Variants in CDH13 observed in about 807,000 individuals in gnomAD.
CDH13 encodes cadherin-13.
CDH13 carries 24 observed loss-of-function variants against 63.8 expected under a neutral mutation model. That is an observed-to-expected ratio of 0.38 (90% CI 0.27 to 0.53). CDH13 has a LOEUF of 0.53. Among genes scored for constraint, CDH13 ranks in the 20% least tolerant of loss-of-function variants. The pLI, the probability that CDH13 is intolerant of heterozygous loss-of-function variation, is 0.85. For synonymous variants in CDH13, 503 were observed against 355.3 expected, an observed-to-expected ratio of 1.42 and a Z score of -4.67; for missense variants, 1,049 against 903.1, an observed-to-expected ratio of 1.16 and a Z score of -2.07.
At chr16:83,274,341 TTGGTACA>T (rs1455678457) in intron 5 of CDH13, among the ~76,000 whole-genome samples, 2 of 152,184 alleles carry the variant, frequency 1.3e-5, no homozygotes, top group Non-Finnish European at 2.9e-5. Flanking sequence ...GCTCAGGCCC[TTGGTACA>T]TGCTCTTCTC....
At chr16:83,318,490 T>G (rs116330277) in intron 5 of CDH13, among the ~76,000 whole-genome samples, 1 of 152,216 alleles carries the variant, frequency 6.6e-6, no homozygotes, top group Non-Finnish European at 1.5e-5. Flanking sequence ...AAGGTTTGAT[T>G]TGAATGAAAG....
chr16:83,077,933 T>A (rs919401531), intron 3 of CDH13, among the ~76,000 whole-genome samples: 26 of 152,208 alleles, frequency 1.7e-4, no homozygotes, highest in Non-Finnish European at 2.8e-4. Flanking sequence ...TGGATTTAAT[T>A]TGCGTTACCC....
chr16:83,091,933 A>G (rs1316981532), intron 3 of CDH13, among the ~76,000 whole-genome samples: 4 of 152,250 alleles, frequency 2.6e-5, no homozygotes, highest in African/African-American at 4.8e-5. Context: ...CTGTGTGCCT[A>G]TAAATATAAT....
chr16:83,186,290 C>T (rs937078609), intron 4 of CDH13, among the ~76,000 whole-genome samples: 1 of 151,974 alleles, frequency 6.6e-6, no homozygotes, highest in African/African-American at 2.4e-5. Flanking sequence ...GGGCACATAC[C>T]ACCATGCCAA....
chr16:83,775,781 G>A (rs1915069129), intron 11 of CDH13, among the ~76,000 whole-genome samples: 2 of 152,012 alleles, frequency 1.3e-5, no homozygotes, highest in South Asian at 4.2e-4. Flanking sequence ...CATAAAGGAG[G>A]GACCCCGTCT....
At chr16:83,624,856 C>T (rs1910140483) in intron 8 of CDH13, among the ~76,000 whole-genome samples, 1 of 152,184 alleles carries the variant, frequency 6.6e-6, no homozygotes, top group South Asian at 2.1e-4. Context: ...CCATCTACTC[C>T]AGATCCTATT....
At chr16:83,315,698 C>G (rs982124262) in intron 5 of CDH13, among the ~76,000 whole-genome samples, 3 of 150,588 alleles carry the variant, frequency 2.0e-5, no homozygotes, top group Admixed American at 2.0e-4. Context: ...TTCTCGCTAT[C>G]TTGGAGTTAT....
chr16:83,702,389 C>A (rs1002483978), intron 10 of CDH13, among the ~76,000 whole-genome samples: 1 of 152,168 alleles, frequency 6.6e-6, no homozygotes, highest in African/African-American at 2.4e-5. Context: ...TGCTCCATAA[C>A]GTTCAGAGAT....
intron 10 of CDH13, among the ~76,000 whole-genome samples, chr16:83,686,600 G>C (rs945904636): frequency 1.4e-4 from 22 of 152,190 alleles, no homozygotes; most frequent in Non-Finnish European, 3.1e-4. Context: ...TGCAAGAACG[G>C]TGGATAAATT....
intron 3 of CDH13, among the ~76,000 whole-genome samples, chr16:83,109,847 C>G (rs950517187): frequency 2.6e-5 from 4 of 152,180 alleles, no homozygotes; most frequent in African/African-American, 9.7e-5. Flanking sequence ...GAACGGGCTT[C>G]CGACTAAAGA....
chr16:83,415,885 T>C (rs546382176), intron 6 of CDH13, among the ~76,000 whole-genome samples: 122 of 152,242 alleles, frequency 8.0e-4, no homozygotes, highest in Admixed American at 1.8e-3. Flanking sequence ...TTCAACATAG[T>C]CCTGGAAGTC....
At chr16:82,661,349 G>C (rs1911922700) in intron 1 of CDH13, among the ~76,000 whole-genome samples, 1 of 152,254 alleles carries the variant, frequency 6.6e-6, no homozygotes, top group Non-Finnish European at 1.5e-5. Flanking sequence ...GGGTGGAACA[G>C]ATAGGAACGG....
chr16:83,447,096 C>CTTTTTT lies in CDH13; in HGVS notation c.782-39356_782-39351dup, dbSNP rs750432481. On this transcript the variant is annotated intron_variant, in intron 6 of 13. Transcript: ENST00000567109. The stretch of plus-strand genomic sequence containing the variant: ...AAAACAAAAAACACCTTATAGTAAC[C>CTTTTTT]TTTTTTTTTTTTTTTTTTTTTTTTT... 1.1e-3 allele frequency among the ~76,000 whole-genome samples: 44 copies of CTTTTTT among 41,502 alleles called. 4 individuals are homozygous for CTTTTTT. The highest frequency in any genetic ancestry group is 1.7e-3 in the Non-Finnish European group (35 of 21,106). The allele number at this position is 41,502 out of a possible 152,430, so 27.2% of individuals were successfully genotyped here.
chr16:83,268,606 C>G (rs910610250), intron 5 of CDH13, among the ~76,000 whole-genome samples: 3 of 152,110 alleles, frequency 2.0e-5, no homozygotes, highest in Non-Finnish European at 4.4e-5. Flanking sequence ...TTTTTGACAG[C>G]ACAAGTGACA....
At chr16:83,001,467 A>G (rs1283520939) in intron 2 of CDH13, among the ~76,000 whole-genome samples, 1 of 152,258 alleles carries the variant, frequency 6.6e-6, no homozygotes, top group Non-Finnish European at 1.5e-5. Flanking sequence ...GCCAGTATTC[A>G]AAATGCCATT....
intron 1 of CDH13, among the ~76,000 whole-genome samples, chr16:82,828,474 A>G (rs72807808): frequency 0.16 from 24,031 of 152,024 alleles, 2,596 homozygotes; most frequent in Non-Finnish European, 0.23. Flanking sequence ...AACCTCAGCT[A>G]GGAGTGTTGG....
At chr16:83,232,768 G>A (rs560696351) in intron 5 of CDH13, among the ~76,000 whole-genome samples, 2 of 134,392 alleles carry the variant, frequency 1.5e-5, no homozygotes, top group East Asian at 1.9e-4. Context: ...ACCCACTCTC[G>A]GGTATTTTTT....
At chr16:82,978,554 A>C (rs1909834424) in intron 2 of CDH13, among the ~76,000 whole-genome samples, 1 of 152,246 alleles carries the variant, frequency 6.6e-6, no homozygotes, top group Non-Finnish European at 1.5e-5. Context: ...AAAAGAGGCC[A>C]AGGTACAGCT....
At chr16:83,429,529 C>T (rs891315085) in intron 6 of CDH13, among the ~76,000 whole-genome samples, 1 of 152,080 alleles carries the variant, frequency 6.6e-6, no homozygotes, top group Non-Finnish European at 1.5e-5. Flanking sequence ...CACACACACA[C>T]ACACACTCAC....
Sources: gnomAD v4.1 joint callset for allele counts (sites outside exome capture counted in the v4.1 genomes callset) on GRCh38, gnomAD v4.1.1 for gene constraint, MANE v1.5 for transcripts, NCBI Gene and HGNC (gene_info 2026-07-23, HGNC 2026-07-21) for gene names.